ADGRL2: variants seen among roughly 807,000 people sequenced by gnomAD.
ADGRL2 encodes the protein calcium-independent alpha-latrotoxin receptor 2.
ADGRL2 carries 44 observed loss-of-function variants against 157.4 expected under a neutral mutation model. The ratio of observed to expected loss-of-function variants is 0.28; its 90% CI spans 0.22 to 0.36. ADGRL2 has a LOEUF of 0.36. Ranked by LOEUF, ADGRL2 falls within the 10% of genes least tolerant of loss-of-function variation. The pLI is 1.00. For synonymous variants in ADGRL2, 585 were observed against 624.7 expected, an observed-to-expected ratio of 0.94 and a Z score of 0.95; for missense variants, 1,510 against 1,768.9, an observed-to-expected ratio of 0.85 and a Z score of 2.63.
At chr1:81,578,782 G>A (rs893850335) in intron 2 of ADGRL2, among the ~76,000 whole-genome samples, 1 of 152,032 alleles carries the variant, frequency 6.6e-6, no homozygotes, top group Non-Finnish European at 1.5e-5. Context: ...GCAATAATTG[G>A]TTAGCTAACC....
At chr1:81,444,011 T>C (rs1264443580) in intron 1 of ADGRL2, among the ~76,000 whole-genome samples, 4 of 152,218 alleles carry the variant, frequency 2.6e-5, no homozygotes, top group Admixed American at 2.6e-4. Context: ...CGGTAAGTAG[T>C]GTCAGAGGAC....
At chr1:81,511,377 G>GA (rs1160303114) in intron 2 of ADGRL2, among the ~76,000 whole-genome samples, 15,499 of 60,728 alleles carry the variant, frequency 0.26, 1,527 homozygotes, top group East Asian at 0.33. Flanking sequence ...CCTTGTCTCA[G>GA]AAAAAAAAAA....
In ADGRL2 at chr1:81,650,445, A is replaced by C. The variant is rs556925677; in HGVS notation, c.-143+69465A>C. Among the ~76,000 whole-genome samples, 18 of 151,238 alleles carry C rather than the reference A, an allele frequency of 1.2e-4. No individual in the cohort carries two copies. In the East Asian group the frequency reaches 3.5e-3, roughly 29 times the overall value. On this transcript the variant is annotated intron_variant, in intron 3 of 24. Coordinates refer to the ADGRL2 transcript ENST00000370721. Reference sequence around the variant, plus strand: ...ACAAAAATTAGCTGGGCATGGTGGCACACGCCCATAATTCCAGCTACTCGG... The same window carrying C: ...ACAAAAATTAGCTGGGCATGGTGGCCCACGCCCATAATTCCAGCTACTCGG...
intron 1 of ADGRL2, chr1:81,426,593 G>A (rs542133528): frequency 7.6e-5 from 36 of 473,568 alleles, no homozygotes; most frequent in South Asian, 3.1e-5. Context: ...GCTTTGAAAC[G>A]ACAGATGATA....
At chr1:81,413,836 A>G (rs974301398) in intron 1 of ADGRL2, among the ~76,000 whole-genome samples, 1 of 152,226 alleles carries the variant, frequency 6.6e-6, no homozygotes, top group Admixed American at 6.5e-5. Flanking sequence ...ACACATACAC[A>G]TATATATTTA....
chr1:81,326,046 T>C (rs1027281202), intron 1 of ADGRL2, among the ~76,000 whole-genome samples: 1 of 152,212 alleles, frequency 6.6e-6, no homozygotes, highest in Non-Finnish European at 1.5e-5. Flanking sequence ...TTCTTTAGTG[T>C]GGACTATATA....
rs1008409174 is a variant in ADGRL2 at position 81,324,012 on chromosome 1, C to G, written c.-302+17503C>G. Among the ~76,000 whole-genome samples the G allele has an allele frequency of 2.0e-5, 3 of 152,048 alleles. No homozygotes were observed. The East Asian group carries it at 5.8e-4, about 29-fold the overall frequency. ...TATTGAAAGTGCCAGGAGAAGCTCC[C>G]GAAGAATTTAAGCAGAGTGAGGCAG... is the stretch of plus-strand genomic sequence containing the variant. On this transcript the variant is annotated intron_variant, in intron 1 of 24. Coordinates refer to the ADGRL2 transcript ENST00000370721.
rs187993438 is a variant in ADGRL2 at position 81,847,873 on chromosome 1, A to G, written c.73+10816A>G. On this transcript the variant is annotated intron_variant, in intron 2 of 23. Coordinates refer to ENST00000686636, the MANE Select transcript of ADGRL2 (RefSeq NM_001366006.2). Reference sequence around the variant, plus strand: ...AGAAAAAGTTTATTTTTATTATACTAATTTTTCAAAGTCAACATATTTAAT... The same window carrying G: ...AGAAAAAGTTTATTTTTATTATACTGATTTTTCAAAGTCAACATATTTAAT... 3.2e-3 allele frequency among the ~76,000 whole-genome samples: 485 copies of G among 152,022 alleles called. 3 individuals carry two copies. Among genetic ancestry groups the G allele is most frequent in the African/African-American group, 0.01 (433 of 41,552 alleles).
intron 1 of ADGRL2, among the ~76,000 whole-genome samples, chr1:81,830,241 C>G (rs1302442997): frequency 6.6e-6 from 1 of 152,096 alleles, no homozygotes; most frequent in African/African-American, 2.4e-5. Flanking sequence ...ATGAATAACA[C>G]TCGTTTTAGC....
chr1:81,350,917 G>A (rs1662835789), intron 1 of ADGRL2, among the ~76,000 whole-genome samples: 1 of 152,146 alleles, frequency 6.6e-6, no homozygotes, highest in South Asian at 2.1e-4. Context: ...ATGGCTCAAA[G>A]AGATGGTTCT....
chr1:81,333,671 C>T (rs1417628627), intron 1 of ADGRL2, among the ~76,000 whole-genome samples: 4 of 151,790 alleles, frequency 2.6e-5, no homozygotes, highest in African/African-American at 9.7e-5. Context: ...CCACCTTGGC[C>T]TCCCAAAGTG....
chr1:81,982,120 G>A, intron 19 of ADGRL2, 144 bp downstream of exon 19: 1 of 684,548 alleles, frequency 1.5e-6, no homozygotes. Flanking sequence ...TTTCATACCT[G>A]TCTGAAAATT....
chr1:81,840,863 T>G (rs1388664926), intron 2 of ADGRL2, among the ~76,000 whole-genome samples: 1 of 152,170 alleles, frequency 6.6e-6, no homozygotes, highest in East Asian at 1.9e-4. Context: ...CTCAGATTCT[T>G]GAAAAGTCAG....
At chr1:81,768,666 T>C (rs1323728034) in intron 2 of ADGRL2, among the ~76,000 whole-genome samples, 1 of 152,002 alleles carries the variant, frequency 6.6e-6, no homozygotes, top group Non-Finnish European at 1.5e-5. Flanking sequence ...GTAGACAGGG[T>C]CTCACTATGT....
chr1:81,398,427 A>G (rs4427445), intron 1 of ADGRL2, among the ~76,000 whole-genome samples: 69,053 of 151,874 alleles, frequency 0.45, 17,139 homozygotes, highest in East Asian at 0.9. Context: ...GTTTTCTGTA[A>G]TGAAAGTATT....
chr1:81,794,891 C>T (rs75444663), intron 2 of ADGRL2, among the ~76,000 whole-genome samples: 4,553 of 152,150 alleles, frequency 0.03, 106 homozygotes, highest in African/African-American at 0.059. Context: ...GATGCTCAGA[C>T]ATATTTATTT....
chr1:81,391,632 C>G (rs752429674), intron 1 of ADGRL2, among the ~76,000 whole-genome samples: 1 of 58,802 alleles, frequency 1.7e-5, no homozygotes, highest in African/African-American at 8.7e-5. Context: ...CCTTTGAACA[C>G]GGCAGAGGTT....
intron 2 of ADGRL2, among the ~76,000 whole-genome samples, chr1:81,850,176 C>G (rs1381502472): frequency 1.3e-5 from 2 of 151,920 alleles, no homozygotes; most frequent in Non-Finnish European, 2.9e-5. Context: ...ATCCATAGAT[C>G]ATTTTGAGGC....
intron 3 of ADGRL2, among the ~76,000 whole-genome samples, chr1:81,638,685 C>T (rs924686548): frequency 2.6e-5 from 4 of 152,038 alleles, no homozygotes; most frequent in African/African-American, 9.7e-5. Flanking sequence ...ACAAGTATAA[C>T]TGATATGCTG....
Sources: gnomAD v4.1 joint callset for allele counts (sites outside exome capture counted in the v4.1 genomes callset) on GRCh38, gnomAD v4.1.1 for gene constraint, MANE v1.5 for transcripts, NCBI Gene and HGNC (gene_info 2026-07-23, HGNC 2026-07-21) for gene names.